Variants in SPTLC1 observed in about 807,000 individuals in gnomAD.
The protein encoded by SPTLC1 is serine palmitoyltransferase long chain base subunit 1.
A neutral mutation model predicts 68.9 loss-of-function variants in SPTLC1; 55 were observed. The ratio of observed to expected loss-of-function variants is 0.80; its 90% CI spans 0.64 to 1.00. The LOEUF (loss-of-function observed/expected upper bound fraction) is 1.00, where lower values mean the gene tolerates loss of function less well. Among genes scored for constraint, SPTLC1 ranks in the 50% least tolerant of loss-of-function variants. The probability of loss-of-function intolerance (pLI) is 0.00; values close to 1 mark genes in which losing one functional copy is unlikely to be tolerated. For missense variants in SPTLC1, 449 were observed against 573.1 expected (o/e 0.78, Z 2.21); for synonymous variants, 197 against 201.6 (o/e 0.98, Z 0.19).
intron 6 of SPTLC1, among the ~76,000 whole-genome samples, chr9:92,060,670 G>C (rs1219195884): frequency 1.3e-5 from 2 of 151,860 alleles, no homozygotes; most frequent in African/African-American, 4.8e-5. Flanking sequence ...ACTTTGGGAG[G>C]CCAAGGCGGG....
At chr9:92,050,358 A>AGATCATGGCCTATTT in intron 8 of SPTLC1, 1 of 359,720 alleles carries the variant, frequency 2.8e-6, no homozygotes, top group South Asian at 2.6e-5. Context: ...TCCTGTGAAC[A>AGATCATGGCCTATTT]ACTACCCTTT....
intron 3 of SPTLC1, among the ~76,000 whole-genome samples, chr9:92,086,922 C>A (rs1297846588): frequency 6.6e-6 from 1 of 152,234 alleles, no homozygotes; most frequent in Non-Finnish European, 1.5e-5. Flanking sequence ...TCCCATATTT[C>A]TTGGAGGCTT....
chr9:92,113,031 C>G (rs985704877), intron 1 of SPTLC1, among the ~76,000 whole-genome samples: 1 of 151,814 alleles, frequency 6.6e-6, no homozygotes, highest in South Asian at 2.1e-4. Context: ...CGCTTGAACC[C>G]AGGAGGTGGA....
intron 13 of SPTLC1, among the ~76,000 whole-genome samples, chr9:92,036,552 G>A (rs1375824753): frequency 6.6e-6 from 1 of 152,256 alleles, no homozygotes; most frequent in African/African-American, 2.4e-5. Context: ...AAGAGACTCA[G>A]TGAGAACGGC....
intron 2 of SPTLC1, 145 bp downstream of exon 2, chr9:92,112,310 A>C (rs1836277740): frequency 1.6e-6 from 1 of 640,516 alleles, no homozygotes; most frequent in Non-Finnish European, 2.8e-6. Context: ...TATTTTGCCT[A>C]CCCTAATAAT....
intron 3 of SPTLC1, among the ~76,000 whole-genome samples, chr9:92,096,690 A>C (rs1266724588): frequency 6.6e-6 from 1 of 152,226 alleles, no homozygotes; most frequent in Admixed American, 6.5e-5. Flanking sequence ...ATTAACTTGA[A>C]TTACACACTA....
chr9:92,045,333 T>G (rs1833469877), intron 12 of SPTLC1, among the ~76,000 whole-genome samples: 2 of 150,678 alleles, frequency 1.3e-5, no homozygotes, highest in Admixed American at 6.6e-5. Context: ...TGCCTGGAGA[T>G]ATCACCAACC....
Position 92,047,628 on chromosome 9 carries a change from A to C in SPTLC1, c.969T>G (p.Phe323Leu). Residue 323 changes from phenylalanine to leucine, a missense_variant, in exon 10 of 15, where the codon TTT (phenylalanine) becomes TTG (leucine). Physicochemically the swap from Phe to Leu is conservative, Grantham distance 22 (BLOSUM62 0). Transcript: ENST00000262554. ...SIGGFCCGRSFVIDHQRLSGQ... is the reference protein window; with the variant it reads ...SIGGFCCGRSLVIDHQRLSGQ... ...AAGAACCCACCTGATGGTCAATTAC[A>C]AAAGACCTGCCACAGCAGAAACCTC... The C allele has an allele frequency of 6.2e-7, 1 of 1,613,154 alleles. No homozygotes were observed. The highest frequency in any genetic ancestry group is 8.5e-7 in the Non-Finnish European group (1 of 1,179,170).
intron 3 of SPTLC1, among the ~76,000 whole-genome samples, chr9:92,090,083 AAG>A (rs575591161): frequency 6.2e-4 from 95 of 152,380 alleles, no homozygotes; most frequent in African/African-American, 2.3e-3. Flanking sequence ...ATTTTAGAAA[AAG>A]AAATTTTAAG....
chr9:92,082,563 A>C (rs1287735345), intron 3 of SPTLC1, among the ~76,000 whole-genome samples: 2 of 151,564 alleles, frequency 1.3e-5, no homozygotes, highest in Non-Finnish European at 2.9e-5. Context: ...TACAAAGGAC[A>C]TGAACTCATC....
intron 3 of SPTLC1, among the ~76,000 whole-genome samples, chr9:92,088,347 C>G (rs1218167849): frequency 6.6e-6 from 1 of 152,244 alleles, no homozygotes; most frequent in African/African-American, 2.4e-5. Flanking sequence ...GTCGCTCACG[C>G]TGGGAGCTGT....
chr9:92,043,868 C>T (rs1243079604), intron 12 of SPTLC1, among the ~76,000 whole-genome samples: 1 of 152,228 alleles, frequency 6.6e-6, no homozygotes, highest in Non-Finnish European at 1.5e-5. Flanking sequence ...CCTCTGTGTG[C>T]CAATGTCCTC....
intron 8 of SPTLC1, chr9:92,055,204 C>T: frequency 1.0e-6 from 1 of 985,074 alleles, no homozygotes; most frequent in South Asian, 4.7e-5. Context: ...CCAGCCTGGG[C>T]AACAGAGCAG....
chr9:92,078,515 G>A (rs1564102954), intron 5 of SPTLC1, among the ~76,000 whole-genome samples: 1 of 152,242 alleles, frequency 6.6e-6, no homozygotes, highest in Non-Finnish European at 1.5e-5. Context: ...CTGAATTGCA[G>A]TGGTGTGAAC....
At chr9:92,069,027 C>T (rs1834387444) in intron 5 of SPTLC1, among the ~76,000 whole-genome samples, 1 of 152,070 alleles carries the variant, frequency 6.6e-6, no homozygotes, top group African/African-American at 2.4e-5. Context: ...GGAGAGCGCT[C>T]GAAGAAGCCA....
chr9:92,072,319 T>TC lies in SPTLC1; in HGVS notation c.428-4222dup, dbSNP rs1834523724. Among the ~76,000 whole-genome samples, 3 of 152,100 alleles carry TC rather than the reference T, an allele frequency of 2.0e-5. 1 individual carries two copies. Among genetic ancestry groups the TC allele is most frequent in the Admixed American group, 2.0e-4 (3 of 15,278 alleles). On this transcript the variant is annotated intron_variant, in intron 5 of 14. Coordinates refer to ENST00000262554, the MANE Select transcript of SPTLC1 (RefSeq NM_006415.4). ...CTCTCCTCATCTCTCTCCCTCTTTT[T>TC]CTCTCCTCAAAATTGAGACAAGGAA...
chr9:92,075,929 C>T (rs1489663951), intron 5 of SPTLC1, among the ~76,000 whole-genome samples: 1 of 152,136 alleles, frequency 6.6e-6, no homozygotes, highest in Admixed American at 6.5e-5. Context: ...TTCCCTTTTT[C>T]CTGTCCCTGA....
At chr9:92,034,785 AG>A (rs771490843) in intron 14 of SPTLC1, 24 bp downstream of exon 14, 1 of 1,598,608 alleles carries the variant, frequency 6.3e-7, no homozygotes, top group South Asian at 1.1e-5. Context: ...GAAAAAAATA[AG>A]GTCATATTTT....
intron 13 of SPTLC1, among the ~76,000 whole-genome samples, chr9:92,036,674 TG>T (rs1259704491): frequency 6.6e-6 from 1 of 152,242 alleles, no homozygotes; most frequent in Non-Finnish European, 1.5e-5. Context: ...CAAATTCACC[TG>T]CCTCATGAAG....
Sources: allele counts gnomAD v4.1 joint callset (sites outside exome capture counted in the v4.1 genomes callset), GRCh38; gene constraint gnomAD v4.1.1; transcripts MANE v1.5; gene names NCBI Gene and HGNC (gene_info 2026-07-23, HGNC 2026-07-21).